The following JAKMIP2 variants were observed in gnomAD, a reference collection of about 807,000 sequenced individuals.
JAKMIP2 encodes the protein janus kinase and microtubule interacting protein 2.
In JAKMIP2, 25 loss-of-function variants were observed where a neutral mutation model predicts 115.0. The observed-to-expected ratio is 0.22, with a 90% CI of 0.16 to 0.30. The LOEUF is 0.30. Among genes scored for constraint, JAKMIP2 ranks in the 10% least tolerant of loss-of-function variants. The probability of loss-of-function intolerance (pLI) is 1.00; values close to 1 mark genes in which losing one functional copy is unlikely to be tolerated. For missense variants in JAKMIP2, 642 were observed against 957.6 expected (o/e 0.67, Z 4.35); for synonymous variants, 334 against 343.6 (o/e 0.97, Z 0.31).
At chr5:147,758,937 T>C (rs1009523444) in intron 1 of JAKMIP2, among the ~76,000 whole-genome samples, 2 of 152,188 alleles carry the variant, frequency 1.3e-5, no homozygotes, top group African/African-American at 2.4e-5. Flanking sequence ...CTAAGGGACA[T>C]TAGTCCCTCT....
chr5:147,673,618 G>T (rs925363474), intron 1 of JAKMIP2, among the ~76,000 whole-genome samples: 2 of 152,166 alleles, frequency 1.3e-5, no homozygotes, highest in African/African-American at 4.8e-5. Flanking sequence ...TGCTGGAGTT[G>T]TCCTTCACGC....
At chr5:147,750,617 ATTGCAGCAT>A (rs1019426563) in intron 1 of JAKMIP2, among the ~76,000 whole-genome samples, 3 of 151,238 alleles carry the variant, frequency 2.0e-5, no homozygotes, top group Non-Finnish European at 3.0e-5. Flanking sequence ...ATTACATGAA[ATTGCAGCAT>A]TTGAAGGTTT....
At chr5:147,639,942 G>A (rs1184302783) in intron 9 of JAKMIP2, among the ~76,000 whole-genome samples, 182 bp from the exon 10 acceptor site, 1 of 152,034 alleles carries the variant, frequency 6.6e-6, no homozygotes, top group Non-Finnish European at 1.5e-5. Context: ...CTTTCAAGAT[G>A]GACACTGCAG....
At chr5:147,743,700 C>T (rs1754235036) in intron 1 of JAKMIP2, among the ~76,000 whole-genome samples, 1 of 152,104 alleles carries the variant, frequency 6.6e-6, no homozygotes, top group African/African-American at 2.4e-5. Context: ...ATTTGTCTTC[C>T]TCCTCTTGTT....
chr5:147,607,761 C>T (rs1581276924), intron 20 of JAKMIP2, among the ~76,000 whole-genome samples: 2 of 152,176 alleles, frequency 1.3e-5, no homozygotes, highest in South Asian at 4.1e-4. Context: ...ACCAACTCCT[C>T]TTTGTACCTC....
intron 1 of JAKMIP2, among the ~76,000 whole-genome samples, chr5:147,759,087 T>C (rs1754842846): frequency 1.3e-5 from 2 of 152,100 alleles, no homozygotes; most frequent in South Asian, 2.1e-4. Context: ...CCTATTTCCA[T>C]GGCTGGGTAA....
intron 3 of JAKMIP2, among the ~76,000 whole-genome samples, chr5:147,658,072 G>GAC (rs1387320404): frequency 2.6e-5 from 4 of 152,074 alleles, no homozygotes; most frequent in Non-Finnish European, 5.9e-5. Context: ...TGAACGTTTG[G>GAC]AGGAGAAGAG....
chr5:147,636,128 T>C, intron 12 of JAKMIP2, 94 bp downstream of exon 12: 1 of 985,980 alleles, frequency 1.0e-6, no homozygotes, highest in South Asian at 1.4e-5. Flanking sequence ...CCCCTTCCCC[T>C]GGCCCCTGTG....
In JAKMIP2 at chr5:147,649,644, C is replaced by CAT. The variant is rs574782444; in HGVS notation, c.837+692_837+693dup. On this transcript the variant is annotated intron_variant, in intron 4 of 21. Coordinates refer to ENST00000616793, the MANE Select transcript of JAKMIP2 (RefSeq NM_001270941.2). ...TTCCACCACCTACTAAGATTATATA[C>CAT]ATATATATATATATTTATTCTGAAT... 1.8e-3 allele frequency among the ~76,000 whole-genome samples: 277 copies of CAT among 150,826 alleles called. 4 individuals are homozygous for CAT. The East Asian group carries it at 0.022, about 12-fold the overall frequency.
chr5:147,693,800 T>C (rs7731462), intron 1 of JAKMIP2, among the ~76,000 whole-genome samples: 46,506 of 152,038 alleles, frequency 0.31, 8,851 homozygotes, highest in African/African-American at 0.51. Context: ...TAAAATCTTA[T>C]GTTAACTGAA....
At chr5:147,663,234 G>A (rs1359623302) in intron 2 of JAKMIP2, among the ~76,000 whole-genome samples, 1 of 152,146 alleles carries the variant, frequency 6.6e-6, no homozygotes, top group African/African-American at 2.4e-5. Context: ...GAAAAGTATT[G>A]TTTCTGAGTG....
rs1362382787 is a variant in JAKMIP2 at position 147,661,268 on chromosome 5, T to C, written c.307A>G (p.Thr103Ala). Residue 103 changes from threonine (T) to alanine (A), a missense_variant, in exon 3 of 22, where the codon ACG becomes GCG. Transcript: ENST00000616793. ...IKQHEQEMSRTVKVRDGEIQR... is the reference protein window; with the variant it reads ...IKQHEQEMSRAVKVRDGEIQR... ...ATCTCTCCATCACGTACCTTCACCG[T>C]CCTTGACATTTCCTGCTCGTGCTGC... 6.2e-7 allele frequency: 1 copy of C among 1,613,770 alleles called. No individual in the cohort carries two copies. The highest frequency in any genetic ancestry group is 8.5e-7 in the Non-Finnish European group (1 of 1,180,006).
intron 1 of JAKMIP2, among the ~76,000 whole-genome samples, chr5:147,686,262 C>G (rs1255107125): frequency 6.6e-6 from 1 of 151,980 alleles, no homozygotes; most frequent in African/African-American, 2.4e-5. Flanking sequence ...ATGCCAGTCT[C>G]TTTTCATGAA....
chr5:147,653,674 G>C (rs1758525309), intron 3 of JAKMIP2, among the ~76,000 whole-genome samples: 1 of 152,126 alleles, frequency 6.6e-6, no homozygotes, highest in Non-Finnish European at 1.5e-5. Context: ...TGTTCACTCT[G>C]ATGCGAGTTT....
chr5:147,644,343 C>A, intron 6 of JAKMIP2, 145 bp from the exon 7 acceptor site: 1 of 603,436 alleles, frequency 1.7e-6, no homozygotes, highest in South Asian at 3.1e-5. Flanking sequence ...CCAACTAAAT[C>A]CTCAAGCACA....
chr5:147,749,833 T>C (rs995367368), intron 1 of JAKMIP2, among the ~76,000 whole-genome samples: 1 of 152,156 alleles, frequency 6.6e-6, no homozygotes, highest in African/African-American at 2.4e-5. Context: ...ACTGTTGCAA[T>C]AGTTAAGAAG....
intron 4 of JAKMIP2, among the ~76,000 whole-genome samples, chr5:147,649,094 G>A (rs1015582814): frequency 2.0e-5 from 3 of 152,124 alleles, no homozygotes; most frequent in African/African-American, 7.2e-5. Context: ...ACCTTACACA[G>A]GGCATTCATG....
At chr5:147,602,897 C>A (rs777365224) in intron 20 of JAKMIP2, among the ~76,000 whole-genome samples, 6 of 152,180 alleles carry the variant, frequency 3.9e-5, no homozygotes, top group Non-Finnish European at 7.3e-5. Flanking sequence ...ATTCTATAAA[C>A]AAGTTATGAG....
At chr5:147,637,242 G>C (rs186381016) in intron 10 of JAKMIP2, among the ~76,000 whole-genome samples, 194 bp from the exon 11 acceptor site, 25 of 152,016 alleles carry the variant, frequency 1.6e-4, no homozygotes, top group African/African-American at 5.8e-4. Context: ...ATTCAAACTC[G>C]TTAGCTTGGC....
Sources: allele counts gnomAD v4.1 joint callset (sites outside exome capture counted in the v4.1 genomes callset), GRCh38; gene constraint gnomAD v4.1.1; transcripts MANE v1.5; gene names NCBI Gene and HGNC (gene_info 2026-07-23, HGNC 2026-07-21).